Variants in VEPH1 observed in about 807,000 individuals in gnomAD.
VEPH1 encodes the protein ventricular zone-expressed PH domain-containing protein homolog 1.
VEPH1 carries 80 observed loss-of-function variants against 85.2 expected under a neutral mutation model. The ratio of observed to expected loss-of-function variants is 0.94; its 90% confidence interval spans 0.78 to 1.13. The LOEUF (loss-of-function observed/expected upper bound fraction) is 1.13, where lower values mean the gene tolerates loss of function less well. Ranked by LOEUF, VEPH1 falls within the 50% of genes most tolerant of loss-of-function variation. VEPH1 has a pLI of 0.00. For synonymous variants in VEPH1, 297 were observed against 348.0 expected (o/e 0.85, Z 1.63); for missense variants, 955 against 980.5 (o/e 0.97, Z 0.35).
intron 9 of VEPH1, among the ~76,000 whole-genome samples, chr3:157,317,753 G>A (rs1294569860): frequency 6.6e-6 from 1 of 152,142 alleles, no homozygotes; most frequent in Admixed American, 6.5e-5. Context: ...TATCCTTTAG[G>A]GACAAGGAAG....
At chr3:157,416,472 G>C (rs1731921637) in intron 5 of VEPH1, among the ~76,000 whole-genome samples, 1 of 152,158 alleles carries the variant, frequency 6.6e-6, no homozygotes, top group Non-Finnish European at 1.5e-5. Flanking sequence ...GCCATGCGAG[G>C]TCCCTGGCAT....
chr3:157,434,601 C>T (rs768705419), intron 4 of VEPH1, among the ~76,000 whole-genome samples: 3 of 151,986 alleles, frequency 2.0e-5, no homozygotes, highest in East Asian at 3.8e-4. Flanking sequence ...ACGTGAGCCC[C>T]GACTAAAATA....
At chr3:157,481,650 G>C (rs1156974444) in intron 2 of VEPH1, among the ~76,000 whole-genome samples, 1 of 151,972 alleles carries the variant, frequency 6.6e-6, no homozygotes, top group Non-Finnish European at 1.5e-5. Context: ...TGCAATTGTG[G>C]TTGAGGACTT....
chr3:157,285,934 G>T (rs1045419285), intron 12 of VEPH1, among the ~76,000 whole-genome samples: 1 of 152,158 alleles, frequency 6.6e-6, no homozygotes, highest in Non-Finnish European at 1.5e-5. Context: ...TTCCTCATAA[G>T]AGTATTGCAA....
At chr3:157,471,666 G>A (rs1736969403) in intron 2 of VEPH1, among the ~76,000 whole-genome samples, 7 of 151,514 alleles carry the variant, frequency 4.6e-5, no homozygotes, top group Admixed American at 4.6e-4. Flanking sequence ...TTCTCCTTTG[G>A]GAACTACCCA....
chr3:157,332,005 A>G (rs1479432286), intron 9 of VEPH1, among the ~76,000 whole-genome samples: 1 of 152,196 alleles, frequency 6.6e-6, no homozygotes, highest in Non-Finnish European at 1.5e-5. Context: ...TTCCACTTTC[A>G]CAATTTGGGA....
At chr3:157,279,552 T>C (rs1213885584) in intron 12 of VEPH1, among the ~76,000 whole-genome samples, 1 of 152,040 alleles carries the variant, frequency 6.6e-6, no homozygotes, top group Non-Finnish European at 1.5e-5. Flanking sequence ...AGCCACTTAA[T>C]TATGTTTAGA....
rs1052925299 is a variant in VEPH1, at chr3:157,422,304, C to T, written c.696+6018G>A. ...AGATGAAGTGCATGTGAAAAGCCAC[C>T]TCACCCACCAAGTCACCCTTTGGTA... On this transcript the variant is annotated intron_variant, in intron 5 of 13. Coordinates refer to ENST00000362010, the MANE Select transcript of VEPH1 (RefSeq NM_001167912.2). Among the ~76,000 whole-genome samples, 8 of 152,268 alleles carry T rather than the reference C, an allele frequency of 5.3e-5. No homozygotes were observed. The East Asian group carries it at 5.8e-4, about 11-fold the overall frequency.
At chr3:157,496,382 C>T (rs773820083) in intron 1 of VEPH1, among the ~76,000 whole-genome samples, 9 of 152,196 alleles carry the variant, frequency 5.9e-5, no homozygotes, top group Non-Finnish European at 1.0e-4. Flanking sequence ...CCTTAGTAAT[C>T]ATTTAATGTC....
At chr3:157,369,193 A>ACAAACAAAAAAAAAAAAAAC (rs1417067119) in intron 7 of VEPH1, among the ~76,000 whole-genome samples, 8 of 140,634 alleles carry the variant, frequency 5.7e-5, no homozygotes, top group East Asian at 2.2e-4. Flanking sequence ...AAAAAAAAAA[A>ACAAACAAAAAAAAAAAAAAC]AAAAAAAAAA....
intron 5 of VEPH1, among the ~76,000 whole-genome samples, chr3:157,417,312 G>A (rs1731998319): frequency 6.6e-6 from 1 of 152,136 alleles, no homozygotes; most frequent in Non-Finnish European, 1.5e-5. Flanking sequence ...GCTTTGCTGA[G>A]AGCCAAGTAG....
chr3:157,341,061 A>T (rs1470337259), intron 9 of VEPH1, among the ~76,000 whole-genome samples: 1 of 152,320 alleles, frequency 6.6e-6, no homozygotes, highest in African/African-American at 2.4e-5. Flanking sequence ...AGATAAAACC[A>T]CAAAGATGGG....
intron 4 of VEPH1, among the ~76,000 whole-genome samples, chr3:157,430,258 G>T (rs551211952): frequency 6.6e-6 from 1 of 152,098 alleles, no homozygotes; most frequent in Non-Finnish European, 1.5e-5. Flanking sequence ...AATTACATGC[G>T]TATGTATCAA....
rs150846796 is a variant in VEPH1 at position 157,496,259 on chromosome 3, C to A, written c.-157-753G>T. 4.6e-3 allele frequency among the ~76,000 whole-genome samples: 695 copies of A among 152,302 alleles called. 6 individuals are homozygous for A. The highest frequency in any genetic ancestry group is 0.016 in the African/African-American group (667 of 41,566). On this transcript the variant is annotated intron_variant, in intron 1 of 13. Coordinates refer to ENST00000362010, the MANE Select transcript of VEPH1 (RefSeq NM_001167912.2). Reference sequence around the variant, plus strand: ...TAATAAAGTCCCACTATATTTCTCACCCAATTAACAGTCTACAGAGAGGAG... The same window carrying A: ...TAATAAAGTCCCACTATATTTCTCAACCAATTAACAGTCTACAGAGAGGAG...
intron 4 of VEPH1, chr3:157,442,891 G>A: frequency 6.2e-7 from 1 of 1,614,198 alleles, no homozygotes; most frequent in Non-Finnish European, 8.5e-7. Flanking sequence ...GAGACCGGAG[G>A]AGCAGAGTCT....
intron 12 of VEPH1, among the ~76,000 whole-genome samples, chr3:157,267,463 TG>T (rs983740157): frequency 1.3e-4 from 19 of 151,976 alleles, no homozygotes; most frequent in African/African-American, 4.3e-4. Flanking sequence ...ACTATTCAAT[TG>T]GCTGTTCCAT....
At chr3:157,314,791 G>A (rs1428946983) in intron 10 of VEPH1, among the ~76,000 whole-genome samples, 1 of 152,066 alleles carries the variant, frequency 6.6e-6, no homozygotes. Flanking sequence ...TTCTCTAAAT[G>A]TTGATCAGTA....
intron 12 of VEPH1, among the ~76,000 whole-genome samples, chr3:157,268,034 T>A (rs1713977755): frequency 6.6e-6 from 1 of 152,204 alleles, no homozygotes; most frequent in South Asian, 2.1e-4. Context: ...CAGGAACTCA[T>A]GAAATATAAA....
intron 11 of VEPH1, among the ~76,000 whole-genome samples, chr3:157,302,250 CTT>C (rs1718888789): frequency 6.6e-6 from 1 of 152,200 alleles, no homozygotes; most frequent in Admixed American, 6.5e-5. Flanking sequence ...GCAATAGTCT[CTT>C]TTGTGATCTC....
Sources: gnomAD v4.1 joint callset for allele counts (sites outside exome capture counted in the v4.1 genomes callset) on GRCh38, gnomAD v4.1.1 for gene constraint, MANE v1.5 for transcripts, NCBI Gene and HGNC (gene_info 2026-07-23, HGNC 2026-07-21) for gene names.